PATJ: variants seen among roughly 807,000 people sequenced by gnomAD.
The protein encoded by PATJ is PATJ crumbs cell polarity complex component, also known as inaD-like protein.
Under a neutral mutation model 224.9 loss-of-function variants are expected in PATJ, and 190 were observed. The observed-to-expected ratio is 0.84, with a 90% confidence interval of 0.75 to 0.95. PATJ has a LOEUF of 0.95. PATJ is among the 40% of genes least tolerant of loss of function. The pLI is 0.00. For missense variants in PATJ, 2,121 were observed against 2,270.3 expected (o/e 0.93, Z 1.34); for synonymous variants, 769 against 820.3 (o/e 0.94, Z 1.07).
At chr1:61,929,758 G>A (rs1042734422) in intron 27 of PATJ, among the ~76,000 whole-genome samples, 5 of 152,088 alleles carry the variant, frequency 3.3e-5, no homozygotes, top group Admixed American at 6.6e-5. Flanking sequence ...AGTGGCTCAC[G>A]CCTGTAATTC....
At chr1:61,778,504 G>T (rs994659184) in intron 7 of PATJ, among the ~76,000 whole-genome samples, 9 of 152,132 alleles carry the variant, frequency 5.9e-5, no homozygotes, top group Non-Finnish European at 1.3e-4. Flanking sequence ...TGTTATCAAA[G>T]AATAGGCTGA....
intron 16 of PATJ, among the ~76,000 whole-genome samples, chr1:61,831,187 CA>C (rs545292546): frequency 2.8e-3 from 181 of 65,294 alleles, no homozygotes; most frequent in Middle Eastern, 9.1e-3. Flanking sequence ...GACTCTGTCT[CA>C]AAAAAAAAAA....
intron 31 of PATJ, among the ~76,000 whole-genome samples, chr1:62,062,256 GT>G (rs373139760): frequency 0.039 from 5,882 of 150,014 alleles, 316 homozygotes; most frequent in African/African-American, 0.12. Context: ...ACTAACATCT[GT>G]TTTTTTTTAT....
intron 21 of PATJ, 101 bp downstream of exon 21, chr1:61,875,467 T>C: frequency 3.2e-6 from 3 of 926,044 alleles, no homozygotes; most frequent in Non-Finnish European, 4.8e-6. Flanking sequence ...TTTTATTCAT[T>C]ATGATGCTTT....
At chr1:62,087,466 C>T (rs1245803470) in intron 33 of PATJ, among the ~76,000 whole-genome samples, 1 of 151,968 alleles carries the variant, frequency 6.6e-6, no homozygotes, top group Admixed American at 6.6e-5. Flanking sequence ...AATCAGGAGA[C>T]AGCAGGCAAA....
chr1:61,801,132 C>T (rs1041651087), intron 11 of PATJ, among the ~76,000 whole-genome samples: 2 of 152,094 alleles, frequency 1.3e-5, no homozygotes, highest in African/African-American at 4.8e-5. Flanking sequence ...GTATCTAGTT[C>T]TAGATCCTTG....
chr1:62,000,321 A>G (rs1353774290), intron 28 of PATJ, among the ~76,000 whole-genome samples: 2 of 148,226 alleles, frequency 1.3e-5, no homozygotes, highest in Non-Finnish European at 3.0e-5. Context: ...TACGTTAGGT[A>G]TATCTCCTAA....
chr1:61,946,578 G>A (rs999930732), intron 27 of PATJ, among the ~76,000 whole-genome samples: 2 of 152,090 alleles, frequency 1.3e-5, no homozygotes, highest in South Asian at 4.1e-4. Flanking sequence ...ATAATTAATA[G>A]CCTACCAACC....
intron 29 of PATJ, among the ~76,000 whole-genome samples, chr1:62,032,038 G>A (rs1649414740): frequency 1.3e-5 from 2 of 152,124 alleles, no homozygotes; most frequent in Non-Finnish European, 2.9e-5. Flanking sequence ...AACAATACCT[G>A]TTTATTGGCT....
intron 30 of PATJ, among the ~76,000 whole-genome samples, chr1:62,041,224 C>T (rs984836949): frequency 6.6e-6 from 1 of 152,176 alleles, no homozygotes; most frequent in Non-Finnish European, 1.5e-5. Context: ...CCTTTGCTCT[C>T]CCTGATTCAG....
intron 1 of PATJ, among the ~76,000 whole-genome samples, chr1:61,759,196 A>AT (rs1448717177): frequency 6.6e-6 from 1 of 151,964 alleles, no homozygotes; most frequent in Non-Finnish European, 1.5e-5. Context: ...ACATGATGAG[A>AT]TTTTTTTGCA....
At chr1:62,114,376 T>G in intron 35 of PATJ, 130 bp downstream of exon 35, 1 of 864,082 alleles carries the variant, frequency 1.2e-6, no homozygotes, top group South Asian at 1.9e-5. Flanking sequence ...TATGAAAATT[T>G]GACAACATGG....
In PATJ at chr1:62,153,452, C is replaced by G; in HGVS notation, c.5473C>G (p.Pro1825Ala). The part of the protein sequence containing the change: ...GGYGSPHGDL[P>A]IYVKTVFAKG... ...TTATGGAAGTCCCCATGGAGACCTG[C>G]CAATTTATGTCAAGACTGTATTTGC... The change falls in exon 43 of 44, where the codon CCA becomes GCA. Residue 1825 changes from proline to alanine, a missense_variant. Coordinates refer to ENST00000642238, the MANE Select transcript of PATJ (RefSeq NM_001350145.3). The G allele has an allele frequency of 8.1e-7, 1 of 1,231,424 alleles. No individual in the cohort carries two copies. Among genetic ancestry groups the G allele is most frequent in the East Asian group, 3.2e-5 (1 of 31,690 alleles). 76.3% of individuals were successfully genotyped at this position (1,231,424 alleles called of 1,614,324 possible). A position where few individuals can be genotyped will look rare whatever the true frequency, so the allele number is the denominator to read the frequency against.
At chr1:62,106,158 G>GTATATGTATATATATATATATA (rs1662999540) in intron 33 of PATJ, among the ~76,000 whole-genome samples, 2 of 48,064 alleles carry the variant, frequency 4.2e-5, no homozygotes, top group African/African-American at 1.4e-4. Flanking sequence ...GTGTGTGTGT[G>GTATATGTATATATATATATATA]TATATATATA....
intron 27 of PATJ, among the ~76,000 whole-genome samples, chr1:61,929,366 C>T (rs1675687752): frequency 6.6e-6 from 1 of 152,212 alleles, no homozygotes; most frequent in African/African-American, 2.4e-5. Context: ...ATGATTCACA[C>T]TTGCTTATCT....
At chr1:61,756,997 A>G (rs932124791) in intron 1 of PATJ, among the ~76,000 whole-genome samples, 3 of 150,776 alleles carry the variant, frequency 2.0e-5, no homozygotes, top group African/African-American at 7.3e-5. Flanking sequence ...CTGCTCTGCT[A>G]TTGTGTGTAT....
chr1:61,908,592 ATATTT>A, intron 25 of PATJ, 110 bp downstream of exon 25: 1 of 686,690 alleles, frequency 1.5e-6, no homozygotes, highest in East Asian at 2.7e-5. Context: ...TTCCCAAACT[ATATTT>A]AAAGTATGAG....
intron 27 of PATJ, among the ~76,000 whole-genome samples, chr1:61,989,862 C>T (rs1644964886): frequency 6.6e-6 from 1 of 152,050 alleles, no homozygotes; most frequent in South Asian, 2.1e-4. Context: ...ACCTTAAGTA[C>T]CTTCATTCTC....
At chr1:61,826,729 C>G (rs772301195) in intron 15 of PATJ, among the ~76,000 whole-genome samples, 60 of 152,250 alleles carry the variant, frequency 3.9e-4, no homozygotes, top group Non-Finnish European at 6.0e-4. Context: ...ATATGAGACA[C>G]TTGCATAAAA....
Sources: allele counts gnomAD v4.1 joint callset (sites outside exome capture counted in the v4.1 genomes callset), GRCh38; gene constraint gnomAD v4.1.1; transcripts MANE v1.5; gene names NCBI Gene and HGNC (gene_info 2026-07-23, HGNC 2026-07-21).